Variants in SRL observed in about 807,000 individuals in gnomAD.
SRL encodes sarcalumenin.
A neutral mutation model predicts 39.5 loss-of-function variants in SRL; 23 were observed. The observed-to-expected ratio is 0.58, with a 90% CI of 0.42 to 0.82. SRL has a LOEUF of 0.82. Among genes scored for constraint, SRL ranks in the 40% least tolerant of loss-of-function variants. SRL has a pLI of 0.00. For synonymous variants in SRL, 272 were observed against 237.4 expected (o/e 1.15, Z -1.34); for missense variants, 592 against 607.8 (o/e 0.97, Z 0.27).
At chr16:4,231,285 C>T (rs1054377911) in intron 1 of SRL, among the ~76,000 whole-genome samples, 3 of 152,160 alleles carry the variant, frequency 2.0e-5, no homozygotes, top group African/African-American at 4.8e-5. Context: ...CACTGCACTC[C>T]AGCCTGGGCA....
chr16:4,210,410 A>T (rs1228824241), intron 1 of SRL, among the ~76,000 whole-genome samples: 1 of 151,594 alleles, frequency 6.6e-6, no homozygotes, highest in East Asian at 1.9e-4. Context: ...TAAGCACTTT[A>T]TATATAAAAC....
intron 5 of SRL, among the ~76,000 whole-genome samples, chr16:4,194,859 C>G (rs1051843009): frequency 6.6e-6 from 1 of 152,114 alleles, no homozygotes; most frequent in Non-Finnish European, 1.5e-5. Flanking sequence ...CTCTCCCTGC[C>G]TGCCTACCAC....
In SRL at chr16:4,230,870, G is replaced by A. The variant is rs911276313; in HGVS notation, c.61+11137C>T. Among the ~76,000 whole-genome samples, 7 of 152,176 alleles carry A rather than the reference G, an allele frequency of 4.6e-5. No individual in the cohort carries two copies. In the East Asian group the frequency reaches 1.3e-3, roughly 29 times the overall value. ...TGACAGAGGCAGAGAGTGCAGTGATGAAGCTACCACTCAAAGAATGCCAGG... is the reference window on the plus strand; with the variant it reads ...TGACAGAGGCAGAGAGTGCAGTGATAAAGCTACCACTCAAAGAATGCCAGG... On this transcript the variant is annotated intron_variant, in intron 1 of 5. Coordinates refer to ENST00000399609, the MANE Select transcript of SRL (RefSeq NM_001098814.2).
chr16:4,220,477 T>C (rs1363333088), intron 1 of SRL, among the ~76,000 whole-genome samples: 5 of 151,858 alleles, frequency 3.3e-5, no homozygotes, highest in Non-Finnish European at 7.4e-5. Context: ...TCTCATGTCT[T>C]CCCTGGGAGC....
intron 1 of SRL, among the ~76,000 whole-genome samples, chr16:4,239,937 C>T (rs757879717): frequency 4.0e-5 from 6 of 150,428 alleles, no homozygotes; most frequent in Non-Finnish European, 5.9e-5. Flanking sequence ...AGGTGGAAAC[C>T]GGGTAAGGCC....
rs1266000238 is a variant in SRL, at chr16:4,205,000, T to C, written c.62-366A>G. Among the ~76,000 whole-genome samples, 7 of 152,154 alleles carry C rather than the reference T, an allele frequency of 4.6e-5. No homozygotes were observed. The East Asian group carries it at 1.3e-3, about 29-fold the overall frequency. On this transcript the variant is annotated intron_variant, in intron 1 of 5. Coordinates refer to ENST00000399609, the MANE Select transcript of SRL (RefSeq NM_001098814.2). ...CAACTCCTTAGGCAGCTGCTCTTAG[T>C]CCAGTGGAGTCAGAGATGATAGTCT... is the stretch of plus-strand genomic sequence containing the variant.
intron 1 of SRL, among the ~76,000 whole-genome samples, chr16:4,209,815 A>G (rs1481028863): frequency 2.6e-5 from 4 of 152,196 alleles, no homozygotes; most frequent in Non-Finnish European, 5.9e-5. Context: ...AGAGCTGAAT[A>G]AGTGAAAGTC....
chr16:4,231,955 A>T (rs1354401626), intron 1 of SRL, among the ~76,000 whole-genome samples: 1 of 152,242 alleles, frequency 6.6e-6, no homozygotes, highest in East Asian at 1.9e-4. Flanking sequence ...AAGTATCATT[A>T]TCCCCATTTT....
At position 4,190,732 on chromosome 16, in the gene SRL, G is replaced by A; in HGVS notation, c.*1421C>T. ...TGGACATCTGCATCAAGGTCAGGCG[G>A]GAAGGTCAATGTTAAGCCTTGGTGG... On this transcript the variant is annotated 3_prime_UTR_variant, in exon 6 of 6. Coordinates refer to ENST00000399609, the MANE Select transcript of SRL (RefSeq NM_001098814.2). The A allele has an allele frequency of 2.8e-6, 1 of 355,716 alleles. No homozygotes were observed. Among genetic ancestry groups the A allele is most frequent in the Middle Eastern group, 7.4e-4 (1 of 1,360 alleles). The allele number at this position is 355,716 out of a possible 1,614,324, so 22.0% of individuals were successfully genotyped here.
intron 1 of SRL, among the ~76,000 whole-genome samples, chr16:4,229,780 A>C (rs1287252250): frequency 2.6e-5 from 4 of 152,100 alleles, no homozygotes; most frequent in African/African-American, 9.7e-5. Flanking sequence ...CTGAATCTAA[A>C]ATAAAGTTCA....
chr16:4,222,640 G>C (rs1412070094), intron 1 of SRL, among the ~76,000 whole-genome samples: 1 of 152,114 alleles, frequency 6.6e-6, no homozygotes, highest in Non-Finnish European at 1.5e-5. Context: ...TGGTGCCTGT[G>C]ACTTGTCCCC....
At chr16:4,216,570 C>A (rs2052462971) in intron 1 of SRL, among the ~76,000 whole-genome samples, 1 of 152,242 alleles carries the variant, frequency 6.6e-6, no homozygotes, top group Non-Finnish European at 1.5e-5. Context: ...CGATGCCCAG[C>A]CACTATTCAC....
chr16:4,230,026 C>T (rs1256041099), intron 1 of SRL, among the ~76,000 whole-genome samples: 1 of 152,084 alleles, frequency 6.6e-6, no homozygotes, highest in African/African-American at 2.4e-5. Flanking sequence ...GACCTCCATC[C>T]CTTTCCCCTC....
chr16:4,196,858 G>A (rs1039543669), intron 4 of SRL, among the ~76,000 whole-genome samples: 1 of 151,942 alleles, frequency 6.6e-6, no homozygotes, highest in Non-Finnish European at 1.5e-5. Flanking sequence ...ATGTCTTCAT[G>A]GTTCATCCAT....
chr16:4,202,331 C>A (rs762972976), intron 3 of SRL, among the ~76,000 whole-genome samples: 1 of 152,192 alleles, frequency 6.6e-6, no homozygotes, highest in Non-Finnish European at 1.5e-5. Flanking sequence ...CGGTGGCTCA[C>A]GCTTGTAATC....
At chr16:4,207,715 C>T in intron 1 of SRL, 1 of 411,874 alleles carries the variant, frequency 2.4e-6, no homozygotes, top group South Asian at 1.8e-5. Context: ...TGTCCCTCTC[C>T]AGAACTGGGC....
At chr16:4,223,176 G>A (rs1416311930) in intron 1 of SRL, among the ~76,000 whole-genome samples, 1 of 145,886 alleles carries the variant, frequency 6.9e-6, no homozygotes, top group Non-Finnish European at 1.5e-5. Context: ...AGTTTGCAGT[G>A]AGCAGAGATC....
intron 1 of SRL, among the ~76,000 whole-genome samples, chr16:4,213,766 C>T (rs1281336695): frequency 6.6e-6 from 1 of 152,182 alleles, no homozygotes; most frequent in Non-Finnish European, 1.5e-5. Flanking sequence ...ATCTCCTGCC[C>T]TCACGTAGGA....
intron 1 of SRL, 66 bp from the exon 2 acceptor site, chr16:4,204,700 C>A: frequency 7.0e-7 from 1 of 1,428,204 alleles, no homozygotes. Context: ...TGGGCCCCGG[C>A]ACAGCAGACG....
Sources: allele counts gnomAD v4.1 joint callset (sites outside exome capture counted in the v4.1 genomes callset), GRCh38; gene constraint gnomAD v4.1.1; transcripts MANE v1.5; gene names NCBI Gene and HGNC (gene_info 2026-07-23, HGNC 2026-07-21).